Variants in TNNI3K observed in about 807,000 individuals in gnomAD.
TNNI3K encodes the protein TNNI3 interacting kinase.
A neutral mutation model predicts 114.5 loss-of-function variants in TNNI3K; 140 were observed. The observed-to-expected ratio is 1.22, with a 90% CI of 1.07 to 1.41. The LOEUF is 1.41. TNNI3K is among the 40% of genes most tolerant of loss of function. TNNI3K has a pLI of 0.00. For synonymous variants in TNNI3K, 347 were observed against 347.5 expected (o/e 1.00, Z 0.02); for missense variants, 1,125 against 1,007.6 (o/e 1.12, Z -1.58).
intron 18 of TNNI3K, 103 bp from the exon 19 acceptor site, chr1:74,436,371 G>A: frequency 1.5e-6 from 2 of 1,337,570 alleles, no homozygotes; most frequent in South Asian, 3.1e-5. Context: ...GTGAGAATTT[G>A]AATAAGACAG....
chr1:74,287,485 A>G (rs1420020603), intron 5 of TNNI3K, among the ~76,000 whole-genome samples: 2 of 152,202 alleles, frequency 1.3e-5, no homozygotes, highest in African/African-American at 4.8e-5. Context: ...CATCACATAT[A>G]TAAGGGTATA....
chr1:74,487,840 G>T (rs1166424144), intron 21 of TNNI3K, among the ~76,000 whole-genome samples: 1 of 152,168 alleles, frequency 6.6e-6, no homozygotes, highest in Non-Finnish European at 1.5e-5. Context: ...ATCAAAGCTT[G>T]TTGGAGTCAG....
At chr1:74,460,759 C>T (rs1052997174) in intron 20 of TNNI3K, among the ~76,000 whole-genome samples, 1 of 152,234 alleles carries the variant, frequency 6.6e-6, no homozygotes, top group African/African-American at 2.4e-5. Flanking sequence ...GGTGGAGGCA[C>T]TAATGAGTAG....
chr1:74,397,788 T>C (rs1664161102), intron 17 of TNNI3K, among the ~76,000 whole-genome samples: 1 of 152,202 alleles, frequency 6.6e-6, no homozygotes, highest in African/African-American at 2.4e-5. Context: ...ACAATGGCTA[T>C]GCTGTCATTG....
chr1:74,399,363 A>G (rs1182802258), intron 17 of TNNI3K, among the ~76,000 whole-genome samples: 2 of 152,116 alleles, frequency 1.3e-5, no homozygotes, highest in East Asian at 1.9e-4. Context: ...TTAAGAAATT[A>G]TATACTGGAC....
intron 10 of TNNI3K, 81 bp downstream of exon 10, chr1:74,353,441 C>T (rs926601572): frequency 4.1e-6 from 6 of 1,480,934 alleles, no homozygotes; most frequent in Non-Finnish European, 5.5e-6. Flanking sequence ...GATGTGGGGG[C>T]ATTGGGAGTG....
At chr1:74,413,362 T>C (rs1401224858) in intron 17 of TNNI3K, among the ~76,000 whole-genome samples, 2 of 152,170 alleles carry the variant, frequency 1.3e-5, no homozygotes, top group Non-Finnish European at 2.9e-5. Context: ...ACACAATACA[T>C]TGCACTTTAC....
At chr1:74,398,709 T>G (rs74093531) in intron 17 of TNNI3K, among the ~76,000 whole-genome samples, 4,718 of 152,164 alleles carry the variant, frequency 0.031, 235 homozygotes, top group African/African-American at 0.11. Context: ...AAATATTGAT[T>G]CAGACGATGG....
At chr1:74,302,874 T>G (rs2100327121) in intron 5 of TNNI3K, among the ~76,000 whole-genome samples, 1 of 152,236 alleles carries the variant, frequency 6.6e-6, no homozygotes, top group Non-Finnish European at 1.5e-5. Context: ...TTAAGATAAG[T>G]GATGAAGGTG....
intron 21 of TNNI3K, among the ~76,000 whole-genome samples, chr1:74,474,531 C>G (rs963632635): frequency 6.6e-6 from 1 of 152,178 alleles, no homozygotes; most frequent in Admixed American, 6.5e-5. Context: ...CATTCATACT[C>G]TTAGAGAAAG....
At chr1:74,255,040 G>C (rs961015486) in intron 4 of TNNI3K, among the ~76,000 whole-genome samples, 1 of 152,068 alleles carries the variant, frequency 6.6e-6, no homozygotes, top group African/African-American at 2.4e-5. Flanking sequence ...TCCCAAGTCT[G>C]GGTCTGTTCA....
intron 5 of TNNI3K, among the ~76,000 whole-genome samples, chr1:74,327,186 T>C (rs1304786231): frequency 6.6e-6 from 1 of 151,394 alleles, no homozygotes; most frequent in Non-Finnish European, 1.5e-5. Context: ...GAGAGTCAAC[T>C]GGTAAATAAA....
intron 20 of TNNI3K, among the ~76,000 whole-genome samples, chr1:74,445,717 T>C (rs1441340863): frequency 6.7e-6 from 1 of 150,160 alleles, no homozygotes; most frequent in Non-Finnish European, 1.5e-5. Context: ...TTCATGCCAT[T>C]CTCCTGCCTC....
chr1:74,429,566 A>T (rs1189001413), intron 17 of TNNI3K, among the ~76,000 whole-genome samples: 1 of 152,244 alleles, frequency 6.6e-6, no homozygotes, highest in South Asian at 2.1e-4. Context: ...GTAGTTGCCT[A>T]TGCTGAAGGT....
At chr1:74,411,875 T>C (rs1201522299) in intron 17 of TNNI3K, among the ~76,000 whole-genome samples, 1 of 152,150 alleles carries the variant, frequency 6.6e-6, no homozygotes, top group East Asian at 1.9e-4. Flanking sequence ...CATAGCTATG[T>C]AGACATGGGA....
At chr1:74,508,537 G>T (rs1216432625) in intron 23 of TNNI3K, among the ~76,000 whole-genome samples, 1 of 152,182 alleles carries the variant, frequency 6.6e-6, no homozygotes, top group Non-Finnish European at 1.5e-5. Context: ...CTCCACAAAA[G>T]ACAGAGAGAA....
At chr1:74,376,737 G>T (rs1248645122) in intron 17 of TNNI3K, 5 of 151,804 alleles carry the variant, frequency 3.3e-5, no homozygotes. Context: ...GAGAAGGACA[G>T]ATCATAACAC....
chr1:74,540,461 A>G (rs1374898343), intron 24 of TNNI3K, 148 bp downstream of exon 24: 4 of 770,798 alleles, frequency 5.2e-6, no homozygotes, highest in Admixed American at 6.1e-5. Context: ...TTGATTTTAT[A>G]TGTCTTTTAT....
chr1:74,380,422 C>T (rs1015128080), intron 17 of TNNI3K, among the ~76,000 whole-genome samples: 4 of 152,122 alleles, frequency 2.6e-5, no homozygotes, highest in Admixed American at 6.6e-5. Context: ...AACACTCACA[C>T]GGTGCGAATG....
Sources: gnomAD v4.1 joint callset for allele counts (sites outside exome capture counted in the v4.1 genomes callset) on GRCh38, gnomAD v4.1.1 for gene constraint, MANE v1.5 for transcripts, NCBI Gene and HGNC (gene_info 2026-07-23, HGNC 2026-07-21) for gene names.